The following PCDH17 variants were observed in gnomAD, a reference collection of about 807,000 sequenced individuals.
The protein encoded by PCDH17 is protocadherin 17.
A neutral mutation model predicts 67.7 loss-of-function variants in PCDH17; 21 were observed. That is an observed-to-expected ratio of 0.31 (90% CI 0.22 to 0.45). PCDH17 has a LOEUF of 0.45. Ranked by LOEUF, PCDH17 falls within the 20% of genes least tolerant of loss-of-function variation. PCDH17 has a pLI of 1.00. For synonymous variants in PCDH17, 701 were observed against 656.7 expected (o/e 1.07, Z -1.03); for missense variants, 1,471 against 1,564.8 (o/e 0.94, Z 1.01).
rs372337182 is a variant in PCDH17, at chr13:57,710,611, C to G, written c.2798-14001C>G. Among the ~76,000 whole-genome samples, 236 of 151,976 alleles carry G rather than the reference C, an allele frequency of 1.6e-3. 1 individual carries two copies. The South Asian group carries it at 0.031, about 20-fold the overall frequency. ...TAGCTCAACATATTATACCATTCTA[C>G]GTCTGGATATCATCCAAGTCTCTGA... is the stretch of plus-strand genomic sequence containing the variant. On this transcript the variant is annotated intron_variant, in intron 3 of 3. Transcript: ENST00000377918.
intron 3 of PCDH17, among the ~76,000 whole-genome samples, chr13:57,695,743 C>A: frequency 6.6e-6 from 1 of 151,346 alleles, no homozygotes; most frequent in East Asian, 1.9e-4. Context: ...CACGTCTCTA[C>A]TTTATATTCA....
chr13:57,720,378 A>C (rs1955862623), intron 3 of PCDH17, among the ~76,000 whole-genome samples: 1 of 152,016 alleles, frequency 6.6e-6, no homozygotes, highest in Non-Finnish European at 1.5e-5. Context: ...GGAAGATTAA[A>C]ATGTTGCTTA....
Position 57,633,308 on chromosome 13 carries a change from G to T in PCDH17, c.762G>T (p.Glu254Asp). ...CATCCTACTTGGTGGAACTGCCCGAGAACGCTCCGCTGGGTACAGTGGTCA... is the reference window on the plus strand; with the variant it reads ...CATCCTACTTGGTGGAACTGCCCGATAACGCTCCGCTGGGTACAGTGGTCA... ...EAPSYLVELP[E>D]NAPLGTVVID... Residue 254 changes from glutamate to aspartate, a missense_variant, in exon 1 of 4, where the codon GAG becomes GAT. Physicochemically the swap from Glu to Asp is conservative, Grantham distance 45. This residue lies in a region of PCDH17 where 1,163 missense variants were observed against 1,230.0 expected (regional missense o/e 0.95). Coordinates refer to ENST00000377918, the MANE Select transcript of PCDH17 (RefSeq NM_001040429.3). The surrounding 1 kb of genome is among the most constrained non-coding windows in gnomAD (Gnocchi z 6.2). 6.2e-7 allele frequency: 1 copy of T among 1,613,324 alleles called. No individual in the cohort carries two copies. Among genetic ancestry groups the T allele is most frequent in the Non-Finnish European group, 8.5e-7 (1 of 1,180,022 alleles).
At chr13:57,719,849 C>T (rs1158402041) in intron 3 of PCDH17, among the ~76,000 whole-genome samples, 2 of 151,914 alleles carry the variant, frequency 1.3e-5, no homozygotes, top group Non-Finnish European at 2.9e-5. Context: ...TCAACTGAGG[C>T]ACTTAGTCTT....
At chr13:57,683,899 T>C (rs776598964) in intron 3 of PCDH17, among the ~76,000 whole-genome samples, 3 of 151,832 alleles carry the variant, frequency 2.0e-5, no homozygotes, top group Non-Finnish European at 4.4e-5. Flanking sequence ...TAGAAAATAA[T>C]GATAGAAATG....
chr13:57,643,815 A>C (rs1477424693), intron 1 of PCDH17, among the ~76,000 whole-genome samples: 1 of 151,598 alleles, frequency 6.6e-6, no homozygotes, highest in Non-Finnish European at 1.5e-5. Flanking sequence ...TATATTAATG[A>C]ATTTTTTTAT....
chr13:57,670,571 A>AT (rs1955307961), intron 3 of PCDH17, among the ~76,000 whole-genome samples: 1 of 149,830 alleles, frequency 6.7e-6, no homozygotes, highest in African/African-American at 2.4e-5. Context: ...ATAATTTAAA[A>AT]ATATATATAT....
chr13:57,669,477 TTATC>T lies in PCDH17; in HGVS notation c.2797+2650_2797+2653del, dbSNP rs150295644. On this transcript the variant is annotated intron_variant, in intron 3 of 3. Coordinates refer to ENST00000377918, the MANE Select transcript of PCDH17 (RefSeq NM_001040429.3). The stretch of plus-strand genomic sequence containing the variant: ...GTCTACTTCTCATCTATATATCTCT[TTATC>T]TATCTTTTTTGTCTATGTCAACTAT... 6.5e-3 allele frequency among the ~76,000 whole-genome samples: 982 copies of T among 152,078 alleles called. 14 individuals are homozygous for T. Among genetic ancestry groups the T allele is most frequent in the African/African-American group, 0.023 (934 of 41,498 alleles).
intron 3 of PCDH17, among the ~76,000 whole-genome samples, chr13:57,671,450 G>A (rs1955321362): frequency 6.6e-6 from 1 of 151,762 alleles, no homozygotes; most frequent in African/African-American, 2.4e-5. Flanking sequence ...ACTTTTTTAA[G>A]AGTTTATGAA....
At chr13:57,635,723 C>T (rs1442190588) in intron 1 of PCDH17, among the ~76,000 whole-genome samples, 1 of 152,196 alleles carries the variant, frequency 6.6e-6, no homozygotes, top group African/African-American at 2.4e-5. Context: ...CAGCATAATG[C>T]ATTAATACAG....
chr13:57,652,603 G>A (rs1444135783), intron 1 of PCDH17, among the ~76,000 whole-genome samples: 1 of 152,174 alleles, frequency 6.6e-6, no homozygotes, highest in East Asian at 1.9e-4. Context: ...AGGAGAAAAT[G>A]AAGAGAAGTT....
intron 1 of PCDH17, among the ~76,000 whole-genome samples, chr13:57,639,423 A>AT (rs1277453838): frequency 2.6e-5 from 4 of 151,800 alleles, no homozygotes; most frequent in African/African-American, 9.7e-5. Flanking sequence ...ATTTATGAAA[A>AT]TTTTAGCTCC....
intron 3 of PCDH17, among the ~76,000 whole-genome samples, chr13:57,718,938 T>C (rs1225598310): frequency 6.6e-6 from 1 of 152,038 alleles, no homozygotes; most frequent in Non-Finnish European, 1.5e-5. Flanking sequence ...GAGCATGAAC[T>C]GCCAGCCAAA....
Position 57,724,868 on chromosome 13 carries a change from T to C in PCDH17, c.3054T>C (p.Tyr1018=). The stretch of plus-strand genomic sequence containing the variant: ...TTCTCATTGCCAACGTTAAACCTTA[T>C]TTAAAAGCCAAACGTGCCCTGAGCC... ...HTILIANVKP[Y]LKAKRALSPL... Residue 1018 remains tyrosine, a synonymous_variant, in exon 4 of 4, where the codon TAT becomes TAC. Coordinates refer to ENST00000377918, the MANE Select transcript of PCDH17 (RefSeq NM_001040429.3). The C allele has an allele frequency of 6.2e-7, 1 of 1,614,166 alleles. No homozygotes were observed. The highest frequency in any genetic ancestry group is 8.5e-7 in the Non-Finnish European group (1 of 1,180,010).
chr13:57,696,983 A>AT (rs938002739), intron 3 of PCDH17, among the ~76,000 whole-genome samples: 14 of 151,452 alleles, frequency 9.2e-5, no homozygotes, highest in South Asian at 2.1e-4. Flanking sequence ...ATAATTCTTA[A>AT]TTTTTTTTGT....
intron 3 of PCDH17, among the ~76,000 whole-genome samples, chr13:57,671,248 C>G (rs1269898653): frequency 6.7e-6 from 1 of 148,776 alleles, no homozygotes; most frequent in African/African-American, 2.5e-5. Flanking sequence ...GTATTTTTAC[C>G]TAATAAATTA....
intron 1 of PCDH17, among the ~76,000 whole-genome samples, chr13:57,660,370 G>A (rs537664605): frequency 6.6e-6 from 1 of 152,076 alleles, no homozygotes; most frequent in African/African-American, 2.4e-5. Context: ...ATCTACATAG[G>A]TTTCAGAAAT....
intron 3 of PCDH17, among the ~76,000 whole-genome samples, chr13:57,702,589 G>A (rs1955677470): frequency 6.6e-6 from 1 of 152,092 alleles, no homozygotes; most frequent in South Asian, 2.1e-4. Flanking sequence ...TATATTTGCA[G>A]TAATCCACAT....
At chr13:57,643,216 T>G (rs929514615) in intron 1 of PCDH17, among the ~76,000 whole-genome samples, 20 of 151,696 alleles carry the variant, frequency 1.3e-4, no homozygotes, top group African/African-American at 4.1e-4. Flanking sequence ...TGTGTGAAAT[T>G]TTTACTGATG....
Sources: allele counts gnomAD v4.1 joint callset (sites outside exome capture counted in the v4.1 genomes callset), GRCh38; gene constraint gnomAD v4.1.1; regional missense constraint gnomAD v4.1.1; non-coding constraint Gnocchi (gnomAD v3.1); transcripts MANE v1.5; gene names NCBI Gene and HGNC (gene_info 2026-07-23, HGNC 2026-07-21).